The following CCSER1 variants were observed in gnomAD, a reference collection of about 807,000 sequenced individuals.
CCSER1 encodes the protein serine-rich coiled-coil domain-containing protein 1.
Under a neutral mutation model 82.0 loss-of-function variants are expected in CCSER1, and 41 were observed. That is an observed-to-expected ratio of 0.50 (90% CI 0.39 to 0.65). The LOEUF is 0.65. CCSER1 is among the 30% of genes least tolerant of loss of function. The pLI, the probability that CCSER1 is intolerant of heterozygous loss-of-function variation, is 0.00. For missense variants in CCSER1, 1,119 were observed against 1,064.2 expected, an observed-to-expected ratio of 1.05 and a Z score of -0.72; for synonymous variants, 414 against 383.9, an observed-to-expected ratio of 1.08 and a Z score of -0.92.
At chr4:91,496,599 T>C (rs1422822621) in intron 10 of CCSER1, among the ~76,000 whole-genome samples, 3,815 of 28,358 alleles carry the variant, frequency 0.13, 1,280 homozygotes, top group Non-Finnish European at 0.23. Flanking sequence ...CGAATATATA[T>C]TTGAATATAT....
chr4:91,306,130 A>G (rs1170297859), intron 10 of CCSER1, among the ~76,000 whole-genome samples: 2 of 150,956 alleles, frequency 1.3e-5, no homozygotes, highest in African/African-American at 4.9e-5. Flanking sequence ...AATTTTTTTC[A>G]TGAACATCAT....
At chr4:91,149,758 T>C (rs148373358) in intron 10 of CCSER1, among the ~76,000 whole-genome samples, 28,322 of 152,160 alleles carry the variant, frequency 0.19, 2,974 homozygotes, top group Non-Finnish European at 0.23. Flanking sequence ...TTTCTTGTTT[T>C]TGTCAGATTT....
Position 90,199,345 on chromosome 4 carries a change from T to C in CCSER1, c.-42+71514T>C, listed in dbSNP as rs554256601. Among the ~76,000 whole-genome samples the C allele has an allele frequency of 3.5e-4, 53 of 152,288 alleles. 1 individual carries two copies. Among genetic ancestry groups the C allele is most frequent in the African/African-American group, 1.3e-3 (52 of 41,584 alleles). ...GCCTCTACTTGTTATTTACTTTTTC[T>C]CTAAATGAAGAACATGTACAAATTC... On this transcript the variant is annotated intron_variant, in intron 1 of 10. Transcript: ENST00000509176.
At chr4:90,552,039 A>G (rs1024770051) in intron 5 of CCSER1, among the ~76,000 whole-genome samples, 3 of 152,098 alleles carry the variant, frequency 2.0e-5, no homozygotes, top group African/African-American at 7.2e-5. Flanking sequence ...GCAGAAGGGA[A>G]AGGGAGCTGG....
At chr4:90,445,202 T>C (rs1374841339) in intron 4 of CCSER1, among the ~76,000 whole-genome samples, 1 of 152,040 alleles carries the variant, frequency 6.6e-6, no homozygotes, top group East Asian at 1.9e-4. Flanking sequence ...CCTCATGAAA[T>C]TGGAACTACT....
chr4:91,441,853 A>C (rs1266842861), intron 10 of CCSER1, among the ~76,000 whole-genome samples: 4 of 61,856 alleles, frequency 6.5e-5, no homozygotes, highest in African/African-American at 2.0e-4. Context: ...CCAAATTATG[A>C]GTGAGCTCCC....
chr4:90,684,531 T>C (rs1461606933), intron 6 of CCSER1, among the ~76,000 whole-genome samples: 1 of 152,236 alleles, frequency 6.6e-6, no homozygotes, highest in Admixed American at 6.5e-5. Context: ...TTGTGAATTA[T>C]TTATAGAATT....
intron 1 of CCSER1, among the ~76,000 whole-genome samples, chr4:90,152,409 C>T (rs1727034780): frequency 1.3e-5 from 2 of 152,102 alleles, no homozygotes; most frequent in African/African-American, 4.8e-5. Context: ...CAAGGTTCAT[C>T]CCTGGAGCTG....
intron 10 of CCSER1, among the ~76,000 whole-genome samples, chr4:91,198,211 A>C (rs983893958): frequency 6.6e-6 from 1 of 152,174 alleles, no homozygotes; most frequent in Non-Finnish European, 1.5e-5. Context: ...CAGTGAAAAG[A>C]AAAAGAGCTT....
intron 9 of CCSER1, among the ~76,000 whole-genome samples, chr4:91,018,567 A>C (rs1482879440): frequency 6.6e-6 from 1 of 152,086 alleles, no homozygotes; most frequent in African/African-American, 2.4e-5. Flanking sequence ...CCTTAGGGTA[A>C]CATAACTTTT....
intron 10 of CCSER1, among the ~76,000 whole-genome samples, chr4:91,143,710 T>C (rs1340138598): frequency 6.6e-6 from 1 of 152,120 alleles, no homozygotes; most frequent in African/African-American, 2.4e-5. Context: ...ATTGAAAGCT[T>C]TTTCTTCATC....
intron 10 of CCSER1, among the ~76,000 whole-genome samples, chr4:91,484,190 G>T (rs1380996718): frequency 6.6e-6 from 1 of 151,864 alleles, no homozygotes; most frequent in Non-Finnish European, 1.5e-5. Context: ...CATTTTGTAT[G>T]GCATTTTGAA....
chr4:91,135,950 TGG>T (rs919968543), intron 10 of CCSER1, among the ~76,000 whole-genome samples: 8 of 152,214 alleles, frequency 5.3e-5, no homozygotes, highest in Non-Finnish European at 8.8e-5. Context: ...ACTTAACTGC[TGG>T]GGTAATGACA....
At chr4:90,852,386 G>C (rs6847575) in intron 8 of CCSER1, among the ~76,000 whole-genome samples, 12,358 of 152,228 alleles carry the variant, frequency 0.081, 1,177 homozygotes, top group African/African-American at 0.23. Context: ...TCTTGGAAGG[G>C]ACACTCTTCT....
intron 3 of CCSER1, among the ~76,000 whole-genome samples, chr4:90,357,595 T>A (rs1744598091): frequency 6.6e-6 from 1 of 151,978 alleles, no homozygotes; most frequent in Non-Finnish European, 1.5e-5. Flanking sequence ...GATTTTAGCT[T>A]TCATCATTTT....
intron 10 of CCSER1, among the ~76,000 whole-genome samples, chr4:91,436,113 T>C (rs771098440): frequency 7.9e-5 from 12 of 152,240 alleles, no homozygotes; most frequent in Non-Finnish European, 1.8e-4. Flanking sequence ...TCAAACATTA[T>C]TGTGGTTTTT....
chr4:91,012,709 A>AATTGCATACTTACTCTTGCAAAAAT (rs1436942842), intron 9 of CCSER1, among the ~76,000 whole-genome samples: 1 of 137,340 alleles, frequency 7.3e-6, no homozygotes, highest in East Asian at 2.3e-4. Flanking sequence ...TCCAACTCTA[A>AATTGCATACTTACTCTTGCAAAAAT]GATAATGTAG....
chr4:90,616,693 A>T (rs960523088), intron 5 of CCSER1, among the ~76,000 whole-genome samples: 32 of 88,696 alleles, frequency 3.6e-4, no homozygotes, highest in African/African-American at 5.3e-4. Flanking sequence ...TCACACACAC[A>T]CACACACACA....
chr4:90,220,402 A>T (rs1741913957), intron 1 of CCSER1, among the ~76,000 whole-genome samples: 2 of 151,596 alleles, frequency 1.3e-5, no homozygotes, highest in Admixed American at 6.6e-5. Flanking sequence ...TTTTTTTTTT[A>T]ACTTTGTCGC....
Sources: gnomAD v4.1 joint callset for allele counts (sites outside exome capture counted in the v4.1 genomes callset) on GRCh38, gnomAD v4.1.1 for gene constraint, MANE v1.5 for transcripts, NCBI Gene and HGNC (gene_info 2026-07-23, HGNC 2026-07-21) for gene names.